ROR1: variants seen among roughly 807,000 people sequenced by gnomAD.
The protein encoded by ROR1 is inactive tyrosine-protein kinase transmembrane receptor ROR1.
A neutral mutation model predicts 78.8 loss-of-function variants in ROR1; 19 were observed. The ratio of observed to expected loss-of-function variants is 0.24; its 90% CI spans 0.17 to 0.35. The LOEUF is 0.35. Among genes scored for constraint, ROR1 ranks in the 10% least tolerant of loss-of-function variants. The pLI is 1.00. For synonymous variants in ROR1, 386 were observed against 433.6 expected (o/e 0.89, Z 1.36); for missense variants, 917 against 1,177.8 (o/e 0.78, Z 3.24).
At chr1:63,882,542 A>C (rs1311954671) in intron 1 of ROR1, among the ~76,000 whole-genome samples, 2 of 152,206 alleles carry the variant, frequency 1.3e-5, no homozygotes, top group African/African-American at 4.8e-5. Context: ...AACAGCTTGA[A>C]CAATTCCAAA....
At chr1:63,864,478 C>T (rs932732470) in intron 1 of ROR1, among the ~76,000 whole-genome samples, 2 of 152,094 alleles carry the variant, frequency 1.3e-5, no homozygotes, top group Admixed American at 1.3e-4. Flanking sequence ...AATTGTGTGC[C>T]AAATGCATTT....
At chr1:64,075,258 TA>T (rs1299226844) in intron 4 of ROR1, among the ~76,000 whole-genome samples, 1 of 151,832 alleles carries the variant, frequency 6.6e-6, no homozygotes, top group Non-Finnish European at 1.5e-5. Context: ...GAGAATAGAG[TA>T]AAAAAAATGT....
chr1:63,897,100 A>T (rs1178364931), intron 1 of ROR1, among the ~76,000 whole-genome samples: 1 of 152,172 alleles, frequency 6.6e-6, no homozygotes, highest in African/African-American at 2.4e-5. Context: ...CATTTCTCTT[A>T]TTCACTATTG....
In ROR1 at chr1:64,009,313, C is replaced by T. The variant is rs56197237; in HGVS notation, c.100C>T (p.Leu34=). 7.4e-6 allele frequency: 12 copies of T among 1,612,250 alleles called. No homozygotes were observed. Among genetic ancestry groups the T allele is most frequent in the East Asian group, 2.2e-5 (1 of 44,856 alleles). The change falls in exon 2 of 9, where the codon CTG becomes TTG. Residue 34 remains leucine, a synonymous_variant. Transcript: ENST00000371079. ...ARGAAAQETE[L]SVSAELVPTS... ...CTTCTTTTTCTTTTCAGAAACAGAG[C>T]TGTCAGTCAGTGCTGAATTAGTGCC...
At chr1:64,173,677 G>A (rs1650301586) in intron 8 of ROR1, among the ~76,000 whole-genome samples, 1 of 152,168 alleles carries the variant, frequency 6.6e-6, no homozygotes, top group East Asian at 1.9e-4. Flanking sequence ...TGTTTCCAAA[G>A]GCAAGTATAT....
intron 7 of ROR1, among the ~76,000 whole-genome samples, chr1:64,152,863 G>T (rs1216221554): frequency 2.0e-5 from 3 of 152,120 alleles, no homozygotes; most frequent in African/African-American, 4.8e-5. Flanking sequence ...GATGTTGATT[G>T]ACTGATTAAC....
intron 4 of ROR1, among the ~76,000 whole-genome samples, chr1:64,092,586 C>G (rs894197194): frequency 2.0e-5 from 3 of 152,116 alleles, no homozygotes; most frequent in Admixed American, 6.6e-5. Flanking sequence ...TCCCTCATTC[C>G]TACTTCAACC....
chr1:64,049,222 G>C (rs1646808781), intron 2 of ROR1, among the ~76,000 whole-genome samples: 1 of 152,064 alleles, frequency 6.6e-6, no homozygotes, highest in Non-Finnish European at 1.5e-5. Flanking sequence ...GTGCCATGTG[G>C]ATATGAATGT....
chr1:63,982,808 G>T (rs1321711698), intron 1 of ROR1, among the ~76,000 whole-genome samples: 1 of 152,054 alleles, frequency 6.6e-6, no homozygotes, highest in Non-Finnish European at 1.5e-5. Flanking sequence ...TTAACCAGTG[G>T]AGTAGTGTGA....
chr1:63,988,978 T>G (rs1052215047), intron 1 of ROR1, among the ~76,000 whole-genome samples: 2 of 152,144 alleles, frequency 1.3e-5, no homozygotes, highest in African/African-American at 4.8e-5. Flanking sequence ...TTCAATTCTT[T>G]TGTGTATATA....
chr1:64,004,574 T>C lies in ROR1; in HGVS notation c.92-4731T>C, dbSNP rs546004404. On this transcript the variant is annotated intron_variant, in intron 1 of 8. Transcript: ENST00000371079. The stretch of plus-strand genomic sequence containing the variant: ...GCTACTGGGCTGGCCGCTGGTCTTG[T>C]GAGTATGCGCATGCCTGTGTAACCT... Among the ~76,000 whole-genome samples the C allele has an allele frequency of 1.4e-4, 22 of 152,304 alleles. No homozygotes were observed. The South Asian group carries it at 3.1e-3, about 22-fold the overall frequency.
chr1:64,100,844 T>C (rs528973207), intron 4 of ROR1, among the ~76,000 whole-genome samples: 1 of 152,186 alleles, frequency 6.6e-6, no homozygotes, highest in East Asian at 1.9e-4. Context: ...GGGTGTGTAA[T>C]TCAACCCATG....
intron 1 of ROR1, among the ~76,000 whole-genome samples, chr1:63,996,374 C>T (rs1343849831): frequency 6.6e-6 from 1 of 152,102 alleles, no homozygotes; most frequent in Non-Finnish European, 1.5e-5. Flanking sequence ...TATTGATCTC[C>T]CCAGGCTATC....
intron 1 of ROR1, among the ~76,000 whole-genome samples, chr1:63,823,311 C>T (rs1219295438): frequency 6.6e-6 from 1 of 152,072 alleles, no homozygotes; most frequent in Non-Finnish European, 1.5e-5. Flanking sequence ...ATTCATCTAC[C>T]CACTCACCCA....
At chr1:63,869,432 C>T (rs935011096) in intron 1 of ROR1, among the ~76,000 whole-genome samples, 4 of 152,162 alleles carry the variant, frequency 2.6e-5, no homozygotes, top group African/African-American at 9.7e-5. Flanking sequence ...TGCCAACCTG[C>T]CAAGTCCTTG....
At chr1:64,105,798 T>G (rs1647774754) in intron 4 of ROR1, 1 of 152,208 alleles carries the variant, frequency 6.6e-6, no homozygotes, top group East Asian at 1.9e-4. Context: ...GAGGTCTCTG[T>G]TCTGTTCCAT....
At chr1:63,941,733 T>G (rs1387884587) in intron 1 of ROR1, among the ~76,000 whole-genome samples, 1 of 152,216 alleles carries the variant, frequency 6.6e-6, no homozygotes, top group African/African-American at 2.4e-5. Context: ...TCATAAGGCT[T>G]TGTTCCCTTC....
At chr1:63,840,938 G>A (rs1645045898) in intron 1 of ROR1, among the ~76,000 whole-genome samples, 1 of 152,148 alleles carries the variant, frequency 6.6e-6, no homozygotes, top group African/African-American at 2.4e-5. Context: ...TTTTCAACAG[G>A]TTCCTAAGGG....
At chr1:63,825,637 T>C (rs1368288619) in intron 1 of ROR1, among the ~76,000 whole-genome samples, 1 of 152,232 alleles carries the variant, frequency 6.6e-6, no homozygotes, top group African/African-American at 2.4e-5. Flanking sequence ...ATTATTGAAC[T>C]GTACACTAAA....
Sources: gnomAD v4.1 joint callset for allele counts (sites outside exome capture counted in the v4.1 genomes callset) on GRCh38, gnomAD v4.1.1 for gene constraint, MANE v1.5 for transcripts, NCBI Gene and HGNC (gene_info 2026-07-23, HGNC 2026-07-21) for gene names.